Variants in DENND2B observed in about 807,000 individuals in gnomAD.
The protein encoded by DENND2B is DENN domain-containing protein 2B.
In DENND2B, 32 loss-of-function variants were observed where a neutral mutation model predicts 116.0. The ratio of observed to expected loss-of-function variants is 0.28; its 90% confidence interval spans 0.21 to 0.37. The LOEUF (loss-of-function observed/expected upper bound fraction) is 0.37. DENND2B is among the 10% of genes least tolerant of loss of function. The pLI, the probability that DENND2B is intolerant of heterozygous loss-of-function variation, is 1.00. For synonymous variants in DENND2B, 588 were observed against 583.9 expected, an observed-to-expected ratio of 1.01 and a Z score of -0.10; for missense variants, 1,276 against 1,477.7, an observed-to-expected ratio of 0.86 and a Z score of 2.24.
chr11:8,710,936 C>T (rs1432619767), intron 10 of DENND2B, 22 bp from the exon 11 acceptor site: 1 of 1,613,700 alleles, frequency 6.2e-7, no homozygotes. Context: ...AGAGGTCTGG[C>T]ATCAGGGAGG....
chr11:8,712,617 C>T lies in DENND2B; in HGVS notation c.2106G>A (p.Val702=), dbSNP rs2043969928. Reference sequence around the variant, plus strand: ...GCGATGGCTTCTTCTTGAGGGACACCACCACAAAGTACTCAAAAAGCTCCC... The same window carrying T: ...GCGATGGCTTCTTCTTGAGGGACACTACCACAAAGTACTCAAAAAGCTCCC... ...QERELFEYFV[V]VSLKKKPSRN... is the part of the protein sequence containing the mutation. Residue 702 remains valine (V), a synonymous_variant, in exon 9 of 20, where the codon GTG becomes GTA. Coordinates refer to ENST00000313726, the MANE Select transcript of DENND2B (RefSeq NM_213618.2). This position sits in a 1 kb window ranked among gnomAD's most constrained non-coding sequence, Gnocchi z 4.4. The T allele has an allele frequency of 6.4e-7, 1 of 1,565,858 alleles. No homozygotes were observed. The highest frequency in any genetic ancestry group is 1.4e-5 in the African/African-American group (1 of 73,962).
At chr11:8,896,041 G>A (rs2134750989) in intron 1 of DENND2B, among the ~76,000 whole-genome samples, 1 of 152,232 alleles carries the variant, frequency 6.6e-6, no homozygotes, top group African/African-American at 2.4e-5. Context: ...AATGCAAACA[G>A]TAATATAATC....
chr11:8,807,279 C>T (rs1364666015), intron 1 of DENND2B, among the ~76,000 whole-genome samples: 1 of 152,236 alleles, frequency 6.6e-6, no homozygotes, highest in East Asian at 1.9e-4. Context: ...GTCCCAACTG[C>T]CCCACAGGGA....
chr11:8,824,267 G>A (rs951464310), intron 4 of DENND2B, among the ~76,000 whole-genome samples: 4 of 151,834 alleles, frequency 2.6e-5, no homozygotes, highest in Non-Finnish European at 5.9e-5. Flanking sequence ...CTTGTGTCAT[G>A]GGGGCTTGTT....
intron 4 of DENND2B, among the ~76,000 whole-genome samples, chr11:8,824,832 C>T (rs997353399): frequency 2.7e-5 from 4 of 150,200 alleles, no homozygotes; most frequent in Admixed American, 6.7e-5. Context: ...GGACTACAGG[C>T]GCACACCTCC....
intron 3 of DENND2B, among the ~76,000 whole-genome samples, chr11:8,844,468 A>G (rs1262869623): frequency 6.6e-6 from 1 of 152,178 alleles, no homozygotes; most frequent in African/African-American, 2.4e-5. Flanking sequence ...TTACTCTCTT[A>G]AATGAATCTA....
At chr11:8,910,520 G>A (rs1398635374) in intron 1 of DENND2B, among the ~76,000 whole-genome samples, 1 of 151,698 alleles carries the variant, frequency 6.6e-6, no homozygotes, top group Admixed American at 6.6e-5. Context: ...CGACCCTCCC[G>A]AGTACCTGGG....
intron 11 of DENND2B, among the ~76,000 whole-genome samples, chr11:8,709,312 C>G (rs898920310): frequency 6.6e-6 from 1 of 152,178 alleles, no homozygotes; most frequent in African/African-American, 2.4e-5. Context: ...GGATTTGGAT[C>G]AGAATCATTG....
Position 8,701,344 on chromosome 11 carries a change from C to CAGGGA in DENND2B, c.2720+1227_2720+1228insTCCCT, listed in dbSNP as rs1491336392. ...AGGCTAGGATGGGAAGGCCAGCTTCCGGGGGGGGGGGGGGGAGGGGCTACA... is the reference window on the plus strand; with the variant it reads ...AGGCTAGGATGGGAAGGCCAGCTTCCAGGGAGGGGGGGGGGGGGGGAGGGGCTACA... On this transcript the variant is annotated intron_variant, in intron 14 of 19. Coordinates refer to ENST00000313726, the MANE Select transcript of DENND2B (RefSeq NM_213618.2). Among the ~76,000 whole-genome samples, 12 of 11,236 alleles carry CAGGGA rather than the reference C, an allele frequency of 1.1e-3. 2 individuals are homozygous for CAGGGA. The highest frequency in any genetic ancestry group is 4.9e-3 in the African/African-American group (11 of 2,250). 7.4% of individuals were successfully genotyped at this position (11,236 alleles called of 152,430 possible). A position where few individuals can be genotyped will look rare whatever the true frequency, so the allele number is the denominator to read the frequency against.
At chr11:8,714,163 C>G in intron 7 of DENND2B, 121 bp from the exon 8 acceptor site, 1 of 1,046,742 alleles carries the variant, frequency 9.6e-7, no homozygotes, top group Non-Finnish European at 1.5e-6. Context: ...CTACTCTGGG[C>G]CCATGGTCAG....
At chr11:8,714,494 TC>T in intron 7 of DENND2B, 115 bp downstream of exon 7, 1 of 843,342 alleles carries the variant, frequency 1.2e-6, no homozygotes, top group South Asian at 1.6e-5. Context: ...TGCTCCTCCC[TC>T]CTACGTGGCC....
intron 6 of DENND2B, chr11:8,715,340 C>T (rs1488365561): frequency 2.0e-6 from 1 of 496,576 alleles, no homozygotes; most frequent in Admixed American, 3.6e-5. Flanking sequence ...AATTCATACA[C>T]CACACTTACT....
intron 3 of DENND2B, among the ~76,000 whole-genome samples, chr11:8,851,846 T>C (rs1398693569): frequency 1.3e-5 from 2 of 152,222 alleles, no homozygotes; most frequent in Non-Finnish European, 2.9e-5. Flanking sequence ...TAAACACTAA[T>C]TATCTCTGTG....
At chr11:8,706,464 T>C (rs2042624687) in intron 13 of DENND2B, among the ~76,000 whole-genome samples, 2 of 148,434 alleles carry the variant, frequency 1.3e-5, no homozygotes, top group South Asian at 4.5e-4. Context: ...GTTCCTCTAC[T>C]TGGAATAATC....
intron 1 of DENND2B, among the ~76,000 whole-genome samples, chr11:8,777,417 T>A (rs533592170): frequency 6.6e-6 from 1 of 152,354 alleles, no homozygotes; most frequent in South Asian, 2.1e-4. Context: ...TGTCTCACCC[T>A]CAGACTGGAG....
chr11:8,829,907 C>T (rs1276570941), intron 4 of DENND2B, among the ~76,000 whole-genome samples: 2 of 152,184 alleles, frequency 1.3e-5, no homozygotes, highest in Admixed American at 6.5e-5. Context: ...ACAAACAGAA[C>T]GTGTCAGTAT....
intron 1 of DENND2B, among the ~76,000 whole-genome samples, chr11:8,793,436 A>G (rs1040328431): frequency 4.6e-5 from 7 of 152,272 alleles, no homozygotes; most frequent in African/African-American, 1.4e-4. Flanking sequence ...AGAATCACAA[A>G]ATATTTGTGC....
At chr11:8,781,527 T>C (rs1248030298) in intron 1 of DENND2B, among the ~76,000 whole-genome samples, 3 of 152,038 alleles carry the variant, frequency 2.0e-5, no homozygotes, top group African/African-American at 4.8e-5. Flanking sequence ...ATTCCCAGAG[T>C]CAGGCAGGGT....
In DENND2B at chr11:8,897,682, C is replaced by T. The variant is rs114524834; in HGVS notation, c.-256+13139G>A. Among the ~76,000 whole-genome samples, 843 of 152,328 alleles carry T rather than the reference C, an allele frequency of 5.5e-3. 10 individuals are homozygous for T. Among genetic ancestry groups the T allele is most frequent in the African/African-American group, 0.019 (808 of 41,572 alleles). Reference sequence around the variant, plus strand: ...CTGTGTACAAGGGCACGGTTATGCACATGCCCAGGAGAGACCACAGTGGGC... The same window carrying T: ...CTGTGTACAAGGGCACGGTTATGCATATGCCCAGGAGAGACCACAGTGGGC... On this transcript the variant is annotated intron_variant, in intron 1 of 22. Coordinates refer to the DENND2B transcript ENST00000534127.
Sources: allele counts gnomAD v4.1 joint callset (sites outside exome capture counted in the v4.1 genomes callset), GRCh38; gene constraint gnomAD v4.1.1; non-coding constraint Gnocchi (gnomAD v3.1); transcripts MANE v1.5; gene names NCBI Gene and HGNC (gene_info 2026-07-23, HGNC 2026-07-21).